The following SYTL5 variants were observed in gnomAD, a reference collection of about 807,000 sequenced individuals.
The protein encoded by SYTL5 is synaptotagmin-like protein 5.
SYTL5 carries 34 observed loss-of-function variants against 55.9 expected under a neutral mutation model. That is an observed-to-expected ratio of 0.61 (90% CI 0.46 to 0.81). The LOEUF is 0.81. Ranked by LOEUF, SYTL5 falls within the 30% of genes least tolerant of loss-of-function variation. The pLI, the probability that SYTL5 is intolerant of heterozygous loss-of-function variation, is 0.00. For synonymous variants in SYTL5, 221 were observed against 188.7 expected, an observed-to-expected ratio of 1.17 and a Z score of -1.40; for missense variants, 637 against 546.7, an observed-to-expected ratio of 1.17 and a Z score of -1.65.
intron 6 of SYTL5, among the ~76,000 whole-genome samples, chrX:38,083,568 A>G (rs1936590996): frequency 9.0e-6 from 1 of 111,436 alleles, no homozygotes; most frequent in Admixed American, 9.6e-5. Flanking sequence ...ATAGAAGGCC[A>G]GTGGCTTCAG....
chrX:38,120,649 A>T (rs1602417747), intron 14 of SYTL5, among the ~76,000 whole-genome samples, 183 bp downstream of exon 14: 1 of 110,532 alleles, frequency 9.0e-6, no homozygotes, highest in African/African-American at 3.3e-5. Flanking sequence ...AGAATGCAGG[A>T]CTCTTACAAG....
At chrX:37,906,794 A>C in the SYTL5 span, among the ~76,000 whole-genome samples, 1 of 111,899 alleles carries the variant, frequency 8.9e-6, no homozygotes, top group African/African-American at 3.3e-5. Context: ...TATTTTCTCT[A>C]TTTTCAGATA....
At chrX:38,020,380 T>C (rs1175851432) in intron 1 of SYTL5, among the ~76,000 whole-genome samples, 1 of 98,552 alleles carries the variant, frequency 1.0e-5, no homozygotes, top group Non-Finnish European at 2.0e-5. Flanking sequence ...TTTCTCATTC[T>C]TTCTTCTATA....
At chrX:37,981,083 C>T in the SYTL5 span, among the ~76,000 whole-genome samples, 4 of 112,113 alleles carry the variant, frequency 3.6e-5, no homozygotes, top group Admixed American at 9.4e-5. Context: ...AAGATAGAAC[C>T]GTGAATCTCT....
rs772981083 is a variant in SYTL5 at position 38,044,276 on chromosome X, C to T, written c.120-9937C>T. On this transcript the variant is annotated intron_variant, in intron 2 of 16. Coordinates refer to ENST00000297875, the MANE Select transcript of SYTL5 (RefSeq NM_138780.3). ...CTGCTCGAAATGTGTTTTGCAATAA[C>T]CTTTATCTGTGAAAATGTGAATCCC... 3.6e-5 allele frequency among the ~76,000 whole-genome samples: 4 copies of T among 111,493 alleles called. No homozygotes were observed. In the East Asian group the frequency reaches 8.4e-4, roughly 23 times the overall value.
intron 10 of SYTL5, among the ~76,000 whole-genome samples, chrX:38,102,783 C>A (rs1233273871): frequency 8.9e-6 from 1 of 111,960 alleles, no homozygotes; most frequent in African/African-American, 3.2e-5. Context: ...GTCCTCCAGA[C>A]TGCTGCCAGT....
At chrX:37,903,156 T>C in the SYTL5 span, among the ~76,000 whole-genome samples, 2 of 110,960 alleles carry the variant, frequency 1.8e-5, no homozygotes, top group Non-Finnish European at 3.8e-5. Context: ...TCCTCAGGGA[T>C]CTAGAACTAG....
chrX:38,039,778 A>G (rs1191878255), intron 2 of SYTL5, among the ~76,000 whole-genome samples: 6 of 112,368 alleles, frequency 5.3e-5, no homozygotes, highest in Non-Finnish European at 1.1e-4. Context: ...GCCTTACAAC[A>G]TAACATTTCT....
intron 2 of SYTL5, among the ~76,000 whole-genome samples, chrX:38,041,967 T>C (rs1437962048): frequency 3.6e-5 from 4 of 111,306 alleles, no homozygotes; most frequent in Non-Finnish European, 7.5e-5. Context: ...CTTTTCCTTA[T>C]GCTAGAAACA....
chrX:37,991,579 G>T, the SYTL5 span, among the ~76,000 whole-genome samples: 5 of 110,599 alleles, frequency 4.5e-5, no homozygotes, highest in South Asian at 1.2e-3. Flanking sequence ...TTGGCTGGGG[G>T]CCTCTGAGGC....
chrX:38,033,671 A>G lies in SYTL5; in HGVS notation c.-219A>G. On this transcript the variant is annotated 5_prime_UTR_variant, in exon 2 of 17. It removes an upstream start codon present in the reference 5' UTR. Transcript: ENST00000297875. Reference sequence around the variant, plus strand: ...GAAACATTTTTCAGTTAAAACAATAATGACTTTCTTGGAGTGTAATCCCAG... The same window carrying G: ...GAAACATTTTTCAGTTAAAACAATAGTGACTTTCTTGGAGTGTAATCCCAG... 4.3e-6 allele frequency: 1 copy of G among 232,528 alleles called. No homozygotes were observed. Among genetic ancestry groups the G allele is most frequent in the East Asian group, 6.8e-5 (1 of 14,777 alleles). 19.2% of individuals were successfully genotyped at this position (232,528 alleles called of 1,213,427 possible). A position where few individuals can be genotyped will look rare whatever the true frequency, so the allele number is the denominator to read the frequency against.
chrX:38,104,350 C>T (rs1337304183), intron 10 of SYTL5, among the ~76,000 whole-genome samples: 1 of 111,729 alleles, frequency 9.0e-6, no homozygotes, highest in East Asian at 2.8e-4. Flanking sequence ...TTTGTTAGAA[C>T]AGCCAAATCT....
chrX:38,090,923 G>A (rs1936786514), intron 7 of SYTL5, among the ~76,000 whole-genome samples: 1 of 112,331 alleles, frequency 8.9e-6, no homozygotes, highest in Non-Finnish European at 1.9e-5. Flanking sequence ...AGAGGAAGGA[G>A]GCCAATGCAG....
chrX:38,118,213 A>G (rs748460308), intron 13 of SYTL5, among the ~76,000 whole-genome samples: 1 of 111,837 alleles, frequency 8.9e-6, no homozygotes, highest in African/African-American at 3.2e-5. Flanking sequence ...CCCGGGTAAG[A>G]AGGTTGAATA....
intron 13 of SYTL5, among the ~76,000 whole-genome samples, chrX:38,118,920 A>AATATATATATATATAT (rs61288420): frequency 2.2e-5 from 2 of 88,989 alleles, no homozygotes; most frequent in African/African-American, 8.8e-5. Flanking sequence ...ATGCCCAGCT[A>AATATATATATATATAT]ATATATATAT....
Position 38,076,553 on chromosome X carries a change from A to T in SYTL5, c.555-14A>T. ...CTTTCTTATCTAATTTTAAATACAT[A>T]TATATAATTTCAGATTTCTTCTTAG... On this transcript the variant is annotated splice_polypyrimidine_tract_variant and intron_variant, in intron 5 of 16. Coordinates refer to ENST00000297875, the MANE Select transcript of SYTL5 (RefSeq NM_138780.3). The T allele has an allele frequency of 8.9e-7, 1 of 1,128,536 alleles. No homozygotes were observed. The highest frequency in any genetic ancestry group is 1.2e-6 in the Non-Finnish European group (1 of 836,533). The allele number at this position is 1,128,536 out of a possible 1,213,427, so 93.0% of individuals were successfully genotyped here.
chrX:37,965,318 G>A, the SYTL5 span, among the ~76,000 whole-genome samples: 1 of 111,181 alleles, frequency 9.0e-6, no homozygotes, highest in Non-Finnish European at 1.9e-5. Flanking sequence ...GACCTCCTCT[G>A]TGGACATCAA....
Position 38,118,339 on chromosome X carries a change from A to T in SYTL5, c.1597-2019A>T, listed in dbSNP as rs1324643607. On this transcript the variant is annotated intron_variant, in intron 13 of 16. Coordinates refer to ENST00000297875, the MANE Select transcript of SYTL5 (RefSeq NM_138780.3). The stretch of plus-strand genomic sequence containing the variant: ...CTTTGTAACAGTCTCAGTATTTTTA[A>T]TTTTTTTTTACTGTTTATTTGCTTA... Among the ~76,000 whole-genome samples the T allele has an allele frequency of 3.6e-5, 4 of 110,698 alleles. No individual in the cohort carries two copies. In the East Asian group the frequency reaches 1.1e-3, roughly 31 times the overall value.
the SYTL5 span, among the ~76,000 whole-genome samples, chrX:37,984,997 A>G: frequency 9.8e-5 from 11 of 112,373 alleles, no homozygotes; most frequent in East Asian, 1.7e-3. Flanking sequence ...AAGGGTATCT[A>G]TGAAAAACCT....
Sources: allele counts gnomAD v4.1 joint callset (sites outside exome capture counted in the v4.1 genomes callset), GRCh38; gene constraint gnomAD v4.1.1; transcripts MANE v1.5; gene names NCBI Gene and HGNC (gene_info 2026-07-23, HGNC 2026-07-21).